FOXK1: variants seen among roughly 807,000 people sequenced by gnomAD.
FOXK1 encodes forkhead box protein K1.
In FOXK1, 19 loss-of-function variants were observed where a neutral mutation model predicts 51.9. The observed-to-expected ratio is 0.37, with a 90% CI of 0.26 to 0.54. FOXK1 has a LOEUF of 0.54. Among genes scored for constraint, FOXK1 ranks in the 20% least tolerant of loss-of-function variants. The pLI, the probability that FOXK1 is intolerant of heterozygous loss-of-function variation, is 0.87. For missense variants in FOXK1, 870 were observed against 1,032.7 expected, an observed-to-expected ratio of 0.84 and a Z score of 2.16; for synonymous variants, 537 against 482.6, an observed-to-expected ratio of 1.11 and a Z score of -1.48.
At position 4,730,428 on chromosome 7, in the gene FOXK1, G is replaced by T. The variant is rs955843744; in HGVS notation, c.561-10410G>T. 6.6e-6 allele frequency among the ~76,000 whole-genome samples: 1 copy of T among 152,238 alleles called. No homozygotes were observed. The highest frequency in any genetic ancestry group is 1.5e-5 in the Non-Finnish European group (1 of 68,042). ...GGGTTGTGGCATGGACCCAAAAGTGGAGTCACGGTTGCAGCTCTGGTTCCT... is the reference window on the plus strand; with the variant it reads ...GGGTTGTGGCATGGACCCAAAAGTGTAGTCACGGTTGCAGCTCTGGTTCCT... On this transcript the variant is annotated intron_variant, in intron 1 of 8. Coordinates refer to ENST00000328914, the MANE Select transcript of FOXK1 (RefSeq NM_001037165.2). The surrounding 1 kb of genome is among the most constrained non-coding windows in gnomAD (Gnocchi z 4.7).
intron 1 of FOXK1, among the ~76,000 whole-genome samples, chr7:4,685,348 G>A (rs1450319678): frequency 6.6e-6 from 1 of 150,954 alleles, no homozygotes; most frequent in East Asian, 2.0e-4. Flanking sequence ...CTGAGTGGCT[G>A]GGACTACAGG....
intron 7 of FOXK1, among the ~76,000 whole-genome samples, chr7:4,760,782 C>T (rs951527664): frequency 5.3e-5 from 8 of 152,098 alleles, no homozygotes; most frequent in Non-Finnish European, 7.4e-5. Flanking sequence ...ACCCGGGAGG[C>T]GGAGGTTGCA....
At position 4,745,594 on chromosome 7, in the gene FOXK1, C is replaced by A. The variant is rs1414623598; in HGVS notation, c.746+4571C>A. ...TTAGCAGAAGTTTGACCTTTTCTTT[C>A]CTTTTTGCAAAGAAGGATTTTTACA... On this transcript the variant is annotated intron_variant, in intron 2 of 8. Coordinates refer to ENST00000328914, the MANE Select transcript of FOXK1 (RefSeq NM_001037165.2). This position sits in a 1 kb window ranked among gnomAD's most constrained non-coding sequence, Gnocchi z 4.3. Among the ~76,000 whole-genome samples, 3 of 152,170 alleles carry A rather than the reference C, an allele frequency of 2.0e-5. No individual in the cohort carries two copies. The highest frequency in any genetic ancestry group is 2.9e-5 in the Non-Finnish European group (2 of 68,038).
rs1780885988 is a variant in FOXK1 at position 4,758,624 on chromosome 7, A to G, written c.1245-427A>G. On this transcript the variant is annotated intron_variant, in intron 5 of 8. Transcript: ENST00000328914. The surrounding 1 kb of genome is among the most constrained non-coding windows in gnomAD (Gnocchi z 4.4). ...AAAAAAGTGTTCGAACGTCATTTGC[A>G]GCATTTAAACTGAGCTCCAAATGAC... 1 of 175,806 alleles carries G rather than the reference A, an allele frequency of 5.7e-6. No homozygotes were observed. The highest frequency in any genetic ancestry group is 1.2e-5 in the Non-Finnish European group (1 of 84,184). The allele number at this position is 175,806 out of a possible 1,614,324, so 10.9% of individuals were successfully genotyped here.
intron 3 of FOXK1, 155 bp downstream of exon 3, chr7:4,754,770 T>G (rs1462164753): frequency 1.0e-6 from 1 of 977,950 alleles, no homozygotes; most frequent in Non-Finnish European, 1.5e-6. Context: ...GGTAGAGCCG[T>G]CGGCCCTTTC....
rs1038785220 is a variant in FOXK1 at position 4,771,389 on chromosome 7, C to T, written c.*8925C>T. ...ATGTGGATGGGGAAGTTTTGTTTCT[C>T]CTCTTAGCATTTGTTTCTATAACCA... On this transcript the variant is annotated 3_prime_UTR_variant, in exon 9 of 9. Coordinates refer to ENST00000328914, the MANE Select transcript of FOXK1 (RefSeq NM_001037165.2). 1 of 152,426 alleles carries T rather than the reference C, an allele frequency of 6.6e-6. No homozygotes were observed. The highest frequency in any genetic ancestry group is 1.5e-5 in the Non-Finnish European group (1 of 68,014). The allele number at this position is 152,426 out of a possible 1,614,324, so 9.4% of individuals were successfully genotyped here.
In FOXK1 at chr7:4,687,667, T is replaced by C. The variant is rs147600517; in HGVS notation, c.560+4799T>C. Among the ~76,000 whole-genome samples the C allele has an allele frequency of 8.9e-4, 136 of 152,328 alleles. 1 individual carries two copies. The highest frequency in any genetic ancestry group is 3.1e-3 in the African/African-American group (129 of 41,578). On this transcript the variant is annotated intron_variant, in intron 1 of 8. Transcript: ENST00000328914. Reference sequence around the variant, plus strand: ...TCAAAATTCAAAAAATTTGTTTTCCTCATGAACCTGAGACCCTGTGCATAT... The same window carrying C: ...TCAAAATTCAAAAAATTTGTTTTCCCCATGAACCTGAGACCCTGTGCATAT...
chr7:4,690,018 T>C (rs1378983831), intron 1 of FOXK1, among the ~76,000 whole-genome samples: 1 of 152,196 alleles, frequency 6.6e-6, no homozygotes, highest in Admixed American at 6.6e-5. Context: ...GTCTCGCTTC[T>C]CCACGTGAAG....
chr7:4,684,169 T>C (rs1330434649), intron 1 of FOXK1, among the ~76,000 whole-genome samples: 1 of 152,214 alleles, frequency 6.6e-6, no homozygotes, highest in African/African-American at 2.4e-5. Context: ...CCTGTTTAAT[T>C]ACTCATTTCC....
chr7:4,744,849 C>T (rs914542532), intron 2 of FOXK1, among the ~76,000 whole-genome samples: 4 of 152,260 alleles, frequency 2.6e-5, no homozygotes, highest in Non-Finnish European at 5.9e-5. Flanking sequence ...GGGGAGAATT[C>T]TGTGCGGAGA....
chr7:4,683,725 G>C lies in FOXK1; in HGVS notation c.560+857G>C, dbSNP rs928111920. 1.3e-5 allele frequency among the ~76,000 whole-genome samples: 2 copies of C among 152,026 alleles called. No homozygotes were observed. The highest frequency in any genetic ancestry group is 2.9e-5 in the Non-Finnish European group (2 of 67,982). On this transcript the variant is annotated intron_variant, in intron 1 of 8. Transcript: ENST00000328914. The surrounding 1 kb of genome is among the most constrained non-coding windows in gnomAD (Gnocchi z 4.5). ...GACCCCAGTGGCTACCCCTGACCCTGTCTGGTCTGGACCCTTGGGCCACCC... is the reference window on the plus strand; with the variant it reads ...GACCCCAGTGGCTACCCCTGACCCTCTCTGGTCTGGACCCTTGGGCCACCC...
At chr7:4,746,787 C>G (rs745392250) in intron 2 of FOXK1, among the ~76,000 whole-genome samples, 1 of 152,232 alleles carries the variant, frequency 6.6e-6, no homozygotes, top group Non-Finnish European at 1.5e-5. Flanking sequence ...GTGAATCACC[C>G]CTAGCGGGAA....
rs1780973997 is a variant in FOXK1, at chr7:4,764,027, C to A, written c.*1563C>A. The A allele has an allele frequency of 6.6e-6, 1 of 152,432 alleles. No homozygotes were observed. Among genetic ancestry groups the A allele is most frequent in the Non-Finnish European group, 1.5e-5 (1 of 68,184 alleles). 9.4% of individuals were successfully genotyped at this position (152,432 alleles called of 1,614,324 possible). Reference sequence around the variant, plus strand: ...CAGCAAAGCAGCCTCTGCCCAGGCCCTGGCGGGAGAGCTGCAGAGGGACCC... The same window carrying A: ...CAGCAAAGCAGCCTCTGCCCAGGCCATGGCGGGAGAGCTGCAGAGGGACCC... On this transcript the variant is annotated 3_prime_UTR_variant, in exon 9 of 9. Transcript: ENST00000328914.
chr7:4,698,932 C>T (rs1779985349), intron 1 of FOXK1, among the ~76,000 whole-genome samples: 1 of 152,188 alleles, frequency 6.6e-6, no homozygotes, highest in African/African-American at 2.4e-5. Flanking sequence ...AAATGATCCA[C>T]CCACCTCGGC....
intron 1 of FOXK1, among the ~76,000 whole-genome samples, chr7:4,702,604 C>T (rs1027302559): frequency 1.3e-5 from 2 of 152,220 alleles, no homozygotes; most frequent in Non-Finnish European, 2.9e-5. Flanking sequence ...CCTTGGCCTC[C>T]CAAAGTGCTG....
intron 1 of FOXK1, among the ~76,000 whole-genome samples, chr7:4,714,112 C>T (rs972036710): frequency 1.3e-5 from 2 of 152,192 alleles, no homozygotes; most frequent in African/African-American, 2.4e-5. Flanking sequence ...AGATGTCAGC[C>T]ACTGTGCCCA....
chr7:4,708,758 C>A (rs1472946394), intron 1 of FOXK1, among the ~76,000 whole-genome samples: 1 of 152,144 alleles, frequency 6.6e-6, no homozygotes, highest in Non-Finnish European at 1.5e-5. Context: ...CCGTCAAGTG[C>A]TGCTTTTAGA....
At position 4,762,343 on chromosome 7, in the gene FOXK1, C is replaced by T. The variant is rs778761314; in HGVS notation, c.2081C>T (p.Ala694Val). 2.6e-6 allele frequency: 4 copies of T among 1,550,808 alleles called. No homozygotes were observed. In the African/African-American group the frequency reaches 4.1e-5, roughly 16 times the overall value. ...PATATTASAS[A>V]SSTGEPEVKR... The stretch of plus-strand genomic sequence containing the variant: ...ACTGCCACCACCGCCTCTGCCTCCG[C>T]CTCTTCCACTGGAGAGCCCGAGGTC... The change falls in exon 9 of 9, where the codon GCC (alanine) becomes GTC (valine). Residue 694 changes from alanine (A) to valine (V), a missense_variant. Physicochemically the swap from Ala to Val is moderately conservative, Grantham distance 64. This residue lies in a region of FOXK1 where 457 missense variants were observed against 510.8 expected (regional missense o/e 0.89). Coordinates refer to ENST00000328914, the MANE Select transcript of FOXK1 (RefSeq NM_001037165.2). The surrounding 1 kb of genome is among the most constrained non-coding windows in gnomAD (Gnocchi z 5.7).
At chr7:4,738,632 C>T (rs370443679) in intron 1 of FOXK1, among the ~76,000 whole-genome samples, 2 of 152,172 alleles carry the variant, frequency 1.3e-5, no homozygotes, top group Admixed American at 6.5e-5. Context: ...CAGGGGTGAC[C>T]GACCACCCAC....
Sources: allele counts gnomAD v4.1 joint callset (sites outside exome capture counted in the v4.1 genomes callset), GRCh38; gene constraint gnomAD v4.1.1; regional missense constraint gnomAD v4.1.1; non-coding constraint Gnocchi (gnomAD v3.1); transcripts MANE v1.5; gene names NCBI Gene and HGNC (gene_info 2026-07-23, HGNC 2026-07-21).